The following ARID1B variants were observed in gnomAD, a reference collection of about 807,000 sequenced individuals.
The protein encoded by ARID1B is AT-rich interaction domain 1B.
A neutral mutation model predicts 212.3 loss-of-function variants in ARID1B; 30 were observed. The ratio of observed to expected loss-of-function variants is 0.14; its 90% CI spans 0.11 to 0.19. The LOEUF (loss-of-function observed/expected upper bound fraction) is 0.19, where lower values mean the gene tolerates loss of function less well. Among genes scored for constraint, ARID1B ranks in the 10% least tolerant of loss-of-function variants. The pLI, the probability that ARID1B is intolerant of heterozygous loss-of-function variation, is 1.00. For synonymous variants in ARID1B, 1,402 were observed against 1,301.7 expected (o/e 1.08, Z -1.66); for missense variants, 2,891 against 3,204.0 (o/e 0.90, Z 2.36).
At chr6:156,993,264 A>C (rs910078258) in intron 4 of ARID1B, among the ~76,000 whole-genome samples, 8 of 151,258 alleles carry the variant, frequency 5.3e-5, no homozygotes, top group Admixed American at 5.3e-4. Flanking sequence ...TTGGTCTTGA[A>C]CTCCTGACCT....
At position 157,201,256 on chromosome 6, in the gene ARID1B, C is replaced by T. The variant is rs770164775; in HGVS notation, c.5031C>T (p.Pro1677=). ...TGCCAAATCACATCTCCAGGGCGCC[C>T]AGCCCAGCGTCCTTCCAGCGCTCCC... The part of the protein sequence containing the change: ...PSLPNHISRA[P]SPASFQRSLE... The change falls in exon 18 of 20, where the codon CCC becomes CCT. Residue 1677 remains proline (P), a synonymous_variant. Coordinates refer to ENST00000636930, the MANE Select transcript of ARID1B (RefSeq NM_001374828.1). The surrounding 1 kb of genome is among the most constrained non-coding windows in gnomAD (Gnocchi z 5.2). 8.1e-6 allele frequency: 13 copies of T among 1,613,980 alleles called. No individual in the cohort carries two copies. The South Asian group carries it at 1.3e-4, about 16-fold the overall frequency.
At chr6:156,813,108 A>AT (rs71027315) in intron 1 of ARID1B, among the ~76,000 whole-genome samples, 7 of 105,550 alleles carry the variant, frequency 6.6e-5, no homozygotes, top group Admixed American at 2.6e-4. Flanking sequence ...ATATATATAT[A>AT]TTTTTTTTTT....
chr6:156,909,643 G>A (rs546024281), intron 3 of ARID1B, among the ~76,000 whole-genome samples: 1 of 152,228 alleles, frequency 6.6e-6, no homozygotes, highest in East Asian at 1.9e-4. Flanking sequence ...CAAAATTTGT[G>A]CCTTGACCTC....
intron 3 of ARID1B, among the ~76,000 whole-genome samples, chr6:156,934,784 A>T (rs284418): frequency 5.3e-5 from 8 of 150,372 alleles, no homozygotes; most frequent in African/African-American, 2.0e-4. Context: ...CTCTGGGTTC[A>T]CTCTGGGTTT....
At chr6:157,197,624 C>T (rs1793815797) in intron 16 of ARID1B, among the ~76,000 whole-genome samples, 1 of 152,200 alleles carries the variant, frequency 6.6e-6, no homozygotes, top group Admixed American at 6.5e-5. Context: ...ATTCGTTAAT[C>T]AGTTAACCAT....
intron 2 of ARID1B, among the ~76,000 whole-genome samples, chr6:156,831,429 T>TG (rs1306313163): frequency 6.6e-6 from 1 of 152,244 alleles, no homozygotes; most frequent in Non-Finnish European, 1.5e-5. Flanking sequence ...TTTCAAAAGA[T>TG]GCTGTTCACG....
At chr6:157,023,700 C>G (rs887636800) in intron 4 of ARID1B, 6 of 152,164 alleles carry the variant, frequency 3.9e-5, no homozygotes, top group African/African-American at 1.2e-4. Flanking sequence ...CAAGGCATAT[C>G]TATTTGGGAG....
intron 4 of ARID1B, among the ~76,000 whole-genome samples, chr6:157,049,802 A>G (rs1399290742): frequency 6.6e-6 from 1 of 152,192 alleles, no homozygotes; most frequent in African/African-American, 2.4e-5. Flanking sequence ...CATTTCTAGA[A>G]TTTTCTTTTT....
intron 2 of ARID1B, among the ~76,000 whole-genome samples, chr6:156,855,702 T>A (rs1404332718): frequency 1.3e-5 from 2 of 152,186 alleles, no homozygotes; most frequent in Non-Finnish European, 2.9e-5. Context: ...CCCTAAATTG[T>A]GTGTGTGTTT....
intron 17 of ARID1B, among the ~76,000 whole-genome samples, chr6:157,199,506 C>T (rs1228784744): frequency 1.3e-5 from 2 of 151,690 alleles, no homozygotes; most frequent in African/African-American, 4.8e-5. Flanking sequence ...TCCAGACATA[C>T]AGGACTTTGC....
chr6:157,060,088 G>A (rs1247086376), intron 4 of ARID1B, among the ~76,000 whole-genome samples: 1 of 152,090 alleles, frequency 6.6e-6, no homozygotes, highest in Non-Finnish European at 1.5e-5. Flanking sequence ...GTGAACTTTT[G>A]GAAAAGAATG....
rs1789939002 is a variant in ARID1B, at chr6:157,148,180, TTGTC to T, written c.2762-442_2762-439del. On this transcript the variant is annotated intron_variant, in intron 7 of 19. Coordinates refer to ENST00000636930, the MANE Select transcript of ARID1B (RefSeq NM_001374828.1). This position sits in a 1 kb window ranked among gnomAD's most constrained non-coding sequence, Gnocchi z 5.6. The stretch of plus-strand genomic sequence containing the variant: ...CCATATGTGCATGTCGTCTTACACG[TTGTC>T]TTTTTGAGCCCTTTCACATGACTGT... Among the ~76,000 whole-genome samples, 1 of 152,266 alleles carries T rather than the reference TTGTC, an allele frequency of 6.6e-6. No homozygotes were observed. The highest frequency in any genetic ancestry group is 6.5e-5 in the Admixed American group (1 of 15,296).
chr6:156,983,121 G>T (rs758487689), intron 4 of ARID1B, among the ~76,000 whole-genome samples: 7 of 151,530 alleles, frequency 4.6e-5, no homozygotes, highest in Non-Finnish European at 1.0e-4. Context: ...AAAAAAGAAA[G>T]GCCTGGCACA....
chr6:156,880,976 G>C (rs1787034192), intron 2 of ARID1B, among the ~76,000 whole-genome samples: 2 of 152,130 alleles, frequency 1.3e-5, no homozygotes, highest in East Asian at 1.9e-4. Flanking sequence ...AGAGAAAAAG[G>C]CTAAAGAGAA....
chr6:156,792,860 T>G (rs1011875826), intron 1 of ARID1B, among the ~76,000 whole-genome samples: 2 of 152,180 alleles, frequency 1.3e-5, no homozygotes, highest in East Asian at 3.9e-4. Flanking sequence ...GTCCTTAGGA[T>G]GTCTGTGTAG....
intron 4 of ARID1B, chr6:156,938,716 A>ATGTT (rs955595221): frequency 1.2e-4 from 19 of 152,182 alleles, no homozygotes; most frequent in Non-Finnish European, 2.8e-4. Flanking sequence ...TTTCTTTAGC[A>ATGTT]TGTTTGTTAC....
At chr6:156,851,224 A>G (rs1400732067) in intron 2 of ARID1B, among the ~76,000 whole-genome samples, 1 of 152,198 alleles carries the variant, frequency 6.6e-6, no homozygotes, top group Non-Finnish European at 1.5e-5. Context: ...GGCTGCTTCT[A>G]GAAAGGGGAC....
chr6:156,910,476 C>A (rs192307262), intron 3 of ARID1B, among the ~76,000 whole-genome samples: 251 of 152,252 alleles, frequency 1.6e-3, no homozygotes, highest in African/African-American at 5.7e-3. Flanking sequence ...TGGACTTCCT[C>A]TCCTTTTCCC....
At chr6:156,869,081 G>A (rs140250819) in intron 2 of ARID1B, among the ~76,000 whole-genome samples, 2 of 152,166 alleles carry the variant, frequency 1.3e-5, no homozygotes, top group East Asian at 3.9e-4. Context: ...AATTTTCTTG[G>A]TCATCAGTTG....
Sources: gnomAD v4.1 joint callset for allele counts (sites outside exome capture counted in the v4.1 genomes callset) on GRCh38, gnomAD v4.1.1 for gene constraint, Gnocchi (gnomAD v3.1) non-coding constraint, MANE v1.5 for transcripts, NCBI Gene and HGNC (gene_info 2026-07-23, HGNC 2026-07-21) for gene names.